The following MSRA variants were observed in gnomAD, a reference collection of about 807,000 sequenced individuals.
MSRA encodes methionine sulfoxide reductase A.
In MSRA, 54 loss-of-function variants were observed where a neutral mutation model predicts 31.3. The observed-to-expected ratio is 1.73, with a 90% CI of 1.39 to 2.17. The LOEUF is 2.17. Ranked by LOEUF, MSRA falls within the 30% of genes most tolerant of loss-of-function variation. The pLI, the probability that MSRA is intolerant of heterozygous loss-of-function variation, is 0.00. For synonymous variants in MSRA, 169 were observed against 116.5 expected (o/e 1.45, Z -2.90); for missense variants, 507 against 300.9 (o/e 1.69, Z -5.07).
intron 5 of MSRA, among the ~76,000 whole-genome samples, chr8:10,358,295 T>C (rs1804627936): frequency 6.6e-6 from 1 of 152,218 alleles, no homozygotes; most frequent in Non-Finnish European, 1.5e-5. Context: ...CCCGTAATTA[T>C]TACAATAGTC....
chr8:10,381,448 G>A (rs1408856492), intron 5 of MSRA, among the ~76,000 whole-genome samples: 1 of 152,294 alleles, frequency 6.6e-6, no homozygotes, highest in African/African-American at 2.4e-5. Flanking sequence ...CATTTCAGGG[G>A]AAGAGCTGGG....
chr8:10,399,825 CACTA>C (rs1369925923), intron 5 of MSRA, among the ~76,000 whole-genome samples: 2 of 152,058 alleles, frequency 1.3e-5, no homozygotes, highest in Non-Finnish European at 2.9e-5. Flanking sequence ...TTATTGCTGT[CACTA>C]ACAAACCGCA....
chr8:10,118,373 A>G (rs1000065109), intron 1 of MSRA, among the ~76,000 whole-genome samples: 3 of 152,122 alleles, frequency 2.0e-5, no homozygotes, highest in Non-Finnish European at 2.9e-5. Flanking sequence ...CATGGCTCCA[A>G]CTATGTGCAA....
intron 5 of MSRA, among the ~76,000 whole-genome samples, chr8:10,414,447 C>T (rs999595192): frequency 2.2e-4 from 33 of 152,182 alleles, no homozygotes; most frequent in African/African-American, 7.2e-4. Flanking sequence ...TCTCAGTTTG[C>T]CAGGACTTTC....
intron 1 of MSRA, among the ~76,000 whole-genome samples, chr8:10,131,148 T>C (rs1365052547): frequency 1.3e-5 from 2 of 152,214 alleles, no homozygotes; most frequent in Non-Finnish European, 2.9e-5. Flanking sequence ...ATGTGCTGGG[T>C]CCTGTGGATA....
At chr8:10,357,277 G>T (rs1804562798) in intron 5 of MSRA, among the ~76,000 whole-genome samples, 3 of 152,170 alleles carry the variant, frequency 2.0e-5, no homozygotes, top group African/African-American at 7.2e-5. Flanking sequence ...TTCTAAGAAG[G>T]AGCTTCCATG....
At chr8:10,282,649 G>A (rs1051820636) in intron 3 of MSRA, among the ~76,000 whole-genome samples, 1 of 152,176 alleles carries the variant, frequency 6.6e-6, no homozygotes, top group Non-Finnish European at 1.5e-5. Context: ...GTGGCGATAT[G>A]AGCTGAGCAT....
At chr8:10,367,328 T>C (rs1385996694) in intron 5 of MSRA, among the ~76,000 whole-genome samples, 1 of 152,228 alleles carries the variant, frequency 6.6e-6, no homozygotes, top group African/African-American at 2.4e-5. Flanking sequence ...ATTCTTCTGC[T>C]TTATTAGTGT....
At chr8:10,212,787 C>T (rs531011471) in intron 2 of MSRA, among the ~76,000 whole-genome samples, 1 of 152,118 alleles carries the variant, frequency 6.6e-6, no homozygotes, top group East Asian at 1.9e-4. Context: ...CCTTTAAAAC[C>T]CTTTGTTCTC....
rs140317713 is a variant in MSRA, at chr8:10,427,846, C to G, written c.544-302C>G. Among the ~76,000 whole-genome samples, 47 of 152,332 alleles carry G rather than the reference C, an allele frequency of 3.1e-4. No homozygotes were observed. In the East Asian group the frequency reaches 8.7e-3, roughly 28 times the overall value. ...GGGCCAGTTTCAAACAGACCCACAG[C>G]GTCCAAACCAGGGCCCCCAACATGC... On this transcript the variant is annotated intron_variant, in intron 5 of 5. Transcript: ENST00000317173.
chr8:10,287,257 G>A (rs542206390), intron 3 of MSRA, among the ~76,000 whole-genome samples: 1 of 152,136 alleles, frequency 6.6e-6, no homozygotes, highest in Admixed American at 6.6e-5. Flanking sequence ...TGAAATTATG[G>A]AATCAAACCT....
intron 3 of MSRA, among the ~76,000 whole-genome samples, chr8:10,287,313 T>G (rs4841310): frequency 0.4 from 60,708 of 152,076 alleles, 12,415 homozygotes; most frequent in Admixed American, 0.49. Flanking sequence ...TTGGCCTCAT[T>G]GAGGCTTAGT....
Position 10,214,118 on chromosome 8 carries a change from G to A in MSRA, c.211+6217G>A, listed in dbSNP as rs1809767803. 2.0e-5 allele frequency among the ~76,000 whole-genome samples: 3 copies of A among 152,128 alleles called. No homozygotes were observed. The South Asian group carries it at 6.2e-4, about 31-fold the overall frequency. ...CTGAAGATTCTTCAAACAAGAGTGG[G>A]GAGCAAAAGCCAAGCCGAGGACTTA... is the stretch of plus-strand genomic sequence containing the variant. On this transcript the variant is annotated intron_variant, in intron 2 of 5. Coordinates refer to ENST00000317173, the MANE Select transcript of MSRA (RefSeq NM_012331.5).
chr8:10,257,742 C>T (rs1027269565), intron 3 of MSRA, among the ~76,000 whole-genome samples: 2 of 152,204 alleles, frequency 1.3e-5, no homozygotes, highest in African/African-American at 4.8e-5. Context: ...GGACTAACTG[C>T]TCAAGGCTTT....
intron 1 of MSRA, among the ~76,000 whole-genome samples, chr8:10,166,999 A>G (rs1805193084): frequency 6.6e-6 from 1 of 152,182 alleles, no homozygotes; most frequent in Admixed American, 6.5e-5. Context: ...ATGAGGTGAC[A>G]TGGAGAAGTC....
chr8:10,354,228 A>C (rs890247415), intron 5 of MSRA, among the ~76,000 whole-genome samples: 2 of 152,236 alleles, frequency 1.3e-5, no homozygotes, highest in African/African-American at 4.8e-5. Flanking sequence ...TATGTAGACA[A>C]GTTAGCTCAC....
intron 5 of MSRA, among the ~76,000 whole-genome samples, chr8:10,380,135 C>G (rs1003617663): frequency 6.6e-6 from 1 of 152,198 alleles, no homozygotes; most frequent in Admixed American, 6.5e-5. Flanking sequence ...CCTGCACATC[C>G]CAGGCATACC....
At chr8:10,302,764 G>A (rs1036919489) in intron 4 of MSRA, among the ~76,000 whole-genome samples, 10 of 152,340 alleles carry the variant, frequency 6.6e-5, no homozygotes, top group African/African-American at 2.4e-4. Context: ...AGGAGGCCGG[G>A]GGCACGATTT....
intron 1 of MSRA, among the ~76,000 whole-genome samples, chr8:10,159,603 G>T (rs1585058502): frequency 6.6e-6 from 1 of 152,176 alleles, no homozygotes; most frequent in Admixed American, 6.5e-5. Context: ...ATTTGTTGCA[G>T]GATAACATCT....
Sources: allele counts gnomAD v4.1 joint callset (sites outside exome capture counted in the v4.1 genomes callset), GRCh38; gene constraint gnomAD v4.1.1; transcripts MANE v1.5; gene names NCBI Gene and HGNC (gene_info 2026-07-23, HGNC 2026-07-21).